The following SUGP1 variants were observed in gnomAD, a reference collection of about 807,000 sequenced individuals.
The protein encoded by SUGP1 is SURP and G-patch domain containing 1.
In SUGP1, 34 loss-of-function variants were observed where a neutral mutation model predicts 76.5. The ratio of observed to expected loss-of-function variants is 0.44; its 90% CI spans 0.34 to 0.59. SUGP1 has a LOEUF of 0.59. Among genes scored for constraint, SUGP1 ranks in the 20% least tolerant of loss-of-function variants. The pLI, the probability that SUGP1 is intolerant of heterozygous loss-of-function variation, is 0.01. For synonymous variants in SUGP1, 326 were observed against 326.2 expected (o/e 1.00, Z 0.01); for missense variants, 752 against 851.7 (o/e 0.88, Z 1.46).
At chr19:19,292,899 T>A (rs2061196851) in intron 8 of SUGP1, among the ~76,000 whole-genome samples, 1 of 152,026 alleles carries the variant, frequency 6.6e-6, no homozygotes, top group Non-Finnish European at 1.5e-5. Context: ...ACGATGATTT[T>A]ATGTATTTAT....
intron 2 of SUGP1, among the ~76,000 whole-genome samples, chr19:19,313,491 A>C (rs913877380): frequency 1.3e-5 from 2 of 152,220 alleles, no homozygotes; most frequent in Admixed American, 6.5e-5. Flanking sequence ...TAGGAGGATC[A>C]CTTGAACCCA....
chr19:19,307,689 C>T (rs1320579326), intron 3 of SUGP1, among the ~76,000 whole-genome samples: 4 of 151,532 alleles, frequency 2.6e-5, no homozygotes, highest in Admixed American at 1.3e-4. Flanking sequence ...GACTTAGTCT[C>T]GCTCTGTTGC....
intron 11 of SUGP1, 78 bp downstream of exon 11, chr19:19,278,612 G>A (rs2061072533): frequency 3.1e-6 from 4 of 1,289,590 alleles, no homozygotes; most frequent in African/African-American, 1.5e-5. Context: ...AGGCTACTTT[G>A]GGCACCTGCA....
At chr19:19,296,549 A>C (rs2061226857) in intron 8 of SUGP1, among the ~76,000 whole-genome samples, 1 of 152,054 alleles carries the variant, frequency 6.6e-6, no homozygotes, top group South Asian at 2.1e-4. Flanking sequence ...CAGGAGGCTG[A>C]GGCAGGAGAA....
chr19:19,278,535 G>A (rs1360585253), intron 11 of SUGP1, among the ~76,000 whole-genome samples, 155 bp downstream of exon 11: 2 of 152,182 alleles, frequency 1.3e-5, no homozygotes, highest in Non-Finnish European at 2.9e-5. Flanking sequence ...CACAGACGGC[G>A]CCTGTCATTA....
chr19:19,316,733 G>C, intron 1 of SUGP1, 140 bp from the exon 2 acceptor site: 2 of 949,662 alleles, frequency 2.1e-6, no homozygotes, highest in Non-Finnish European at 3.1e-6. Flanking sequence ...CACTTACAGA[G>C]TGCCTGCTGC....
intron 4 of SUGP1, among the ~76,000 whole-genome samples, chr19:19,304,877 C>T (rs867139499): frequency 3.3e-5 from 5 of 152,146 alleles, no homozygotes; most frequent in Non-Finnish European, 7.4e-5. Flanking sequence ...CTGTCTTTCA[C>T]CCTAGGTCGC....
intron 1 of SUGP1, among the ~76,000 whole-genome samples, chr19:19,319,923 G>A (rs1411563584): frequency 6.6e-6 from 1 of 152,096 alleles, no homozygotes; most frequent in African/African-American, 2.4e-5. Context: ...GTAGCGCCCA[G>A]CACACTGCTT....
Position 19,282,878 on chromosome 19 carries a change from C to T in SUGP1, c.1244-2587G>A, listed in dbSNP as rs79515525. Among the ~76,000 whole-genome samples, 935 of 152,272 alleles carry T rather than the reference C, an allele frequency of 6.1e-3. 42 individuals carry two copies. The East Asian group carries it at 0.11, about 18-fold the overall frequency. On this transcript the variant is annotated intron_variant, in intron 8 of 13. Transcript: ENST00000247001. Reference sequence around the variant, plus strand: ...GGATCACAAGGTCAGAAGATCGAGACCATCCTGGCTAACACGGTGAAACCC... The same window carrying T: ...GGATCACAAGGTCAGAAGATCGAGATCATCCTGGCTAACACGGTGAAACCC...
At chr19:19,293,807 T>C (rs1214935361) in intron 8 of SUGP1, among the ~76,000 whole-genome samples, 2 of 152,102 alleles carry the variant, frequency 1.3e-5, no homozygotes, top group African/African-American at 4.8e-5. Context: ...GAAAAAGAAA[T>C]AAGAAGTATC....
chr19:19,311,635 A>C (rs2061353648), intron 2 of SUGP1, among the ~76,000 whole-genome samples: 1 of 151,640 alleles, frequency 6.6e-6, no homozygotes. Context: ...GCTGAGGCAG[A>C]AGAATGGCGT....
chr19:19,299,514 A>G (rs953523953), intron 7 of SUGP1, among the ~76,000 whole-genome samples: 26 of 150,730 alleles, frequency 1.7e-4, no homozygotes, highest in Non-Finnish European at 3.0e-4. Flanking sequence ...CTGGGACTAC[A>G]GACGCCCGCC....
intron 7 of SUGP1, among the ~76,000 whole-genome samples, chr19:19,299,543 T>A (rs555378160): frequency 3.2e-4 from 48 of 151,024 alleles, no homozygotes; most frequent in African/African-American, 1.1e-3. Context: ...CGGCTAATTT[T>A]TTTTTTTTTT....
chr19:19,280,432 G>A (rs2146591425), intron 8 of SUGP1, 141 bp from the exon 9 acceptor site: 10 of 747,526 alleles, frequency 1.3e-5, no homozygotes, highest in East Asian at 2.7e-5. Flanking sequence ...TCAGTGCCAC[G>A]TGGTACGTGA....
intron 1 of SUGP1, among the ~76,000 whole-genome samples, chr19:19,318,063 C>A (rs933374363): frequency 6.7e-6 from 1 of 149,900 alleles, no homozygotes; most frequent in African/African-American, 2.5e-5. Flanking sequence ...CTCCAATTTA[C>A]GCCTCTCAAA....
chr19:19,297,271 C>G lies in SUGP1; in HGVS notation c.961G>C (p.Ala321Pro). 2 of 1,561,520 alleles carry G rather than the reference C, an allele frequency of 1.3e-6. No homozygotes were observed. Among genetic ancestry groups the G allele is most frequent in the Non-Finnish European group, 1.7e-6 (2 of 1,149,234 alleles). The change falls in exon 8 of 14, where the codon GCC (alanine) becomes CCC (proline). Residue 321 changes from alanine to proline, a missense_variant. Coordinates refer to ENST00000247001, the MANE Select transcript of SUGP1 (RefSeq NM_172231.4). ...QKLEEFRKAK[A>P]SSTGSFTAPD... Reference sequence around the variant, plus strand: ...GCTGTGAAGCTGCCTGTGGAGCTGGCCTTGGCTTTCCGGAACTCCTCCAGC... The same window carrying G: ...GCTGTGAAGCTGCCTGTGGAGCTGGGCTTGGCTTTCCGGAACTCCTCCAGC...
chr19:19,307,361 T>C (rs1452397312), intron 3 of SUGP1, among the ~76,000 whole-genome samples: 1 of 152,130 alleles, frequency 6.6e-6, no homozygotes, highest in East Asian at 1.9e-4. Flanking sequence ...GGGCTTCATC[T>C]TTTTAAGCCT....
intron 8 of SUGP1, among the ~76,000 whole-genome samples, chr19:19,282,321 G>A (rs953979724): frequency 3.3e-5 from 5 of 151,364 alleles, no homozygotes; most frequent in East Asian, 2.0e-4. Context: ...AGTACTGGCC[G>A]GGAGTGGTGG....
chr19:19,299,539 A>AT (rs36109106), intron 7 of SUGP1, among the ~76,000 whole-genome samples: 53,339 of 141,670 alleles, frequency 0.38, 10,188 homozygotes, highest in African/African-American at 0.47. Flanking sequence ...CACCCGGCTA[A>AT]TTTTTTTTTT....
Sources: allele counts gnomAD v4.1 joint callset (sites outside exome capture counted in the v4.1 genomes callset), GRCh38; gene constraint gnomAD v4.1.1; transcripts MANE v1.5; gene names NCBI Gene and HGNC (gene_info 2026-07-23, HGNC 2026-07-21).